Variants in APC observed in about 807,000 individuals in gnomAD.
APC encodes adenomatous polyposis coli protein.
In APC, 72 loss-of-function variants were observed where a neutral mutation model predicts 247.0. The observed-to-expected ratio is 0.29, with a 90% CI of 0.24 to 0.35. The LOEUF is 0.35. Ranked by LOEUF, APC falls within the 10% of genes least tolerant of loss-of-function variation. APC has a pLI of 1.00. For synonymous variants in APC, 1,254 were observed against 1,162.5 expected, an observed-to-expected ratio of 1.08 and a Z score of -1.60; for missense variants, 3,400 against 3,360.7, an observed-to-expected ratio of 1.01 and a Z score of -0.29.
At chr5:112,760,728 C>T (rs1056167120) in intron 2 of APC, among the ~76,000 whole-genome samples, 35 of 152,000 alleles carry the variant, frequency 2.3e-4, no homozygotes, top group African/African-American at 8.5e-4. Flanking sequence ...TATTTTCTAT[C>T]TGAATATAGA....
intron 5 of APC, among the ~76,000 whole-genome samples, chr5:112,778,921 C>G (rs1390517809): frequency 6.6e-6 from 1 of 152,150 alleles, no homozygotes; most frequent in Non-Finnish European, 1.5e-5. Flanking sequence ...TTTTCTACTA[C>G]TACTTTGAGA....
intron 1 of APC, among the ~76,000 whole-genome samples, chr5:112,708,959 C>T (rs1750692475): frequency 6.6e-6 from 1 of 152,090 alleles, no homozygotes; most frequent in Admixed American, 6.5e-5. Context: ...GGGATCAAAG[C>T]GGTAGTGGAG....
intron 8 of APC, among the ~76,000 whole-genome samples, chr5:112,811,509 G>A (rs180960655): frequency 6.6e-6 from 1 of 152,200 alleles, no homozygotes; most frequent in Non-Finnish European, 1.5e-5. Flanking sequence ...GAGAATACGA[G>A]TATGTGTACC....
At position 112,818,878 on chromosome 5, in the gene APC, T is replaced by C. The variant is rs1762792094; in HGVS notation, c.934-88T>C. On this transcript the variant is annotated intron_variant, in intron 9 of 15. Transcript: ENST00000257430. ...GGGTTGTTTTGTTTTTTTAGAGTTA[T>C]AGTAAATATCCCATTCATCACTTAA... 6 of 1,356,418 alleles carry C rather than the reference T, an allele frequency of 4.4e-6. No homozygotes were observed. The East Asian group carries it at 7.0e-5, about 16-fold the overall frequency. 84.0% of individuals were successfully genotyped at this position (1,356,418 alleles called of 1,614,324 possible).
chr5:112,735,245 G>A (rs1413095823), upstream of APC, among the ~76,000 whole-genome samples: 1 of 151,596 alleles, frequency 6.6e-6, no homozygotes, highest in Non-Finnish European at 1.5e-5. Context: ...GCGAGATCTC[G>A]GCTCACTGCA....
rs778161943 is a variant in APC, at chr5:112,841,845, A to G, written c.6251A>G (p.Gln2084Arg). 1 of 1,613,908 alleles carries G rather than the reference A, an allele frequency of 6.2e-7. No homozygotes were observed. Among genetic ancestry groups the G allele is most frequent in the African/African-American group, 1.3e-5 (1 of 75,046 alleles). ...CTGACACTTGATTTGAAAGATATACAGAGACCAGATTCAGAACATGGTCTA... is the reference window on the plus strand; with the variant it reads ...CTGACACTTGATTTGAAAGATATACGGAGACCAGATTCAGAACATGGTCTA... ...EDLTLDLKDI[Q>R]RPDSEHGLSP... Residue 2084 changes from glutamine (Q) to arginine (R), a missense_variant, in exon 16 of 16, where the codon CAG (glutamine) becomes CGG (arginine). Coordinates refer to ENST00000257430, the MANE Select transcript of APC (RefSeq NM_000038.6). This position sits in a 1 kb window ranked among gnomAD's most constrained non-coding sequence, Gnocchi z 4.6.
At chr5:112,834,929 C>A (rs2149840516) in intron 14 of APC, 22 bp from the exon 15 acceptor site, 1 of 1,597,984 alleles carries the variant, frequency 6.3e-7, no homozygotes, top group South Asian at 1.1e-5. Context: ...AATTAGATGA[C>A]CCATATTCTG....
At chr5:112,819,407 GA>G in intron 10 of APC, 63 bp downstream of exon 10, 1 of 1,598,478 alleles carries the variant, frequency 6.3e-7, no homozygotes, top group East Asian at 2.2e-5. Context: ...TTTTTAAACA[GA>G]AAACATGTTT....
At chr5:112,830,985 G>C (rs1220980903) in intron 14 of APC, among the ~76,000 whole-genome samples, 3 of 152,198 alleles carry the variant, frequency 2.0e-5, no homozygotes, top group Admixed American at 6.5e-5. Context: ...GCACACTTAA[G>C]TACTCCTACT....
At chr5:112,825,841 A>G (rs769787054) in intron 11 of APC, among the ~76,000 whole-genome samples, 2 of 152,192 alleles carry the variant, frequency 1.3e-5, no homozygotes, top group African/African-American at 2.4e-5. Flanking sequence ...TACATAGTTC[A>G]TCTATCTTTG....
chr5:112,762,060 A>G lies in APC; in HGVS notation c.136-4266A>G, dbSNP rs11241184. Among the ~76,000 whole-genome samples, 64,173 of 152,010 alleles carry G rather than the reference A, an allele frequency of 0.42. 15,789 individuals carry two copies. Among genetic ancestry groups the G allele is most frequent in the East Asian group, 0.67 (3,468 of 5,174 alleles). On this transcript the variant is annotated intron_variant, in intron 2 of 15. Transcript: ENST00000257430. ...AATCCCACAAACCAGTAACAAAAAG[A>G]CAATCCAGTTTTTAAAATGTGACCC... is the stretch of plus-strand genomic sequence containing the variant.
intron 1 of APC, among the ~76,000 whole-genome samples, chr5:112,717,888 T>C (rs978642420): frequency 4.7e-5 from 6 of 128,614 alleles, no homozygotes; most frequent in Non-Finnish European, 9.8e-5. Context: ...CTTACCTCTT[T>C]TCTTTTTCTT....
At position 112,842,402 on chromosome 5, in the gene APC, TCTC is replaced by T. The variant is rs786203391; in HGVS notation, c.6811_6813del (p.Pro2271del). On this transcript the variant is annotated inframe_deletion, in exon 16 of 16. Coordinates refer to ENST00000257430, the MANE Select transcript of APC (RefSeq NM_000038.6). ...TAGTGAAGGTCAAACAGCCACCACT[TCTC>T]CTAGAGGAGCCAAGCCATCTGTGAA... 1.6e-5 allele frequency: 26 copies of T among 1,613,956 alleles called. No homozygotes were observed. The highest frequency in any genetic ancestry group is 6.7e-5 in the East Asian group (3 of 44,878).
At chr5:112,780,350 TCCTTA>T (rs1758188795) in intron 5 of APC, among the ~76,000 whole-genome samples, 1 of 152,176 alleles carries the variant, frequency 6.6e-6, no homozygotes, top group South Asian at 2.1e-4. Context: ...TATATGGTAA[TCCTTA>T]CCTTAAGTTG....
At chr5:112,826,043 A>G (rs145907486) in intron 11 of APC, among the ~76,000 whole-genome samples, 2 of 152,336 alleles carry the variant, frequency 1.3e-5, no homozygotes, top group East Asian at 1.9e-4. Context: ...TTTTGCATAA[A>G]TCTTCCTACA....
intron 6 of APC, among the ~76,000 whole-genome samples, chr5:112,787,044 C>T (rs1242993835): frequency 3.9e-5 from 6 of 151,994 alleles, no homozygotes; most frequent in Non-Finnish European, 8.8e-5. Flanking sequence ...TGTGCCACCA[C>T]GCCTGGCTAA....
At chr5:112,790,496 T>G (rs1360673373) in intron 6 of APC, among the ~76,000 whole-genome samples, 1 of 151,402 alleles carries the variant, frequency 6.6e-6, no homozygotes, top group Non-Finnish European at 1.5e-5. Context: ...CTGGCTAATT[T>G]CTTTTTGTAT....
In APC at chr5:112,845,853, G is replaced by T; in HGVS notation, c.*1727G>T. ...AATGAAAATTTATTTTTAGTGATAA[G>T]ATTCATACACTCTGTATTTGGGGAG... On this transcript the variant is annotated 3_prime_UTR_variant, in exon 16 of 16. Coordinates refer to ENST00000257430, the MANE Select transcript of APC (RefSeq NM_000038.6). 8.6e-6 allele frequency: 2 copies of T among 232,232 alleles called. No individual in the cohort carries two copies. The highest frequency in any genetic ancestry group is 1.7e-5 in the Non-Finnish European group (2 of 117,484). The allele number at this position is 232,232 out of a possible 1,614,324, so 14.4% of individuals were successfully genotyped here. A position where few individuals can be genotyped will look rare whatever the true frequency, so the allele number is the denominator to read the frequency against.
intron 1 of APC, among the ~76,000 whole-genome samples, chr5:112,751,903 CT>C (rs1027235980): frequency 2.0e-5 from 3 of 151,790 alleles, no homozygotes; most frequent in Non-Finnish European, 4.4e-5. Flanking sequence ...AAGAAATGTT[CT>C]TTTTTATTCA....
Sources: allele counts gnomAD v4.1 joint callset (sites outside exome capture counted in the v4.1 genomes callset), GRCh38; gene constraint gnomAD v4.1.1; non-coding constraint Gnocchi (gnomAD v3.1); transcripts MANE v1.5; gene names NCBI Gene and HGNC (gene_info 2026-07-23, HGNC 2026-07-21).